The following TPRG1 variants were observed in gnomAD, a reference collection of about 807,000 sequenced individuals.
The protein encoded by TPRG1 is tumor protein p63-regulated gene 1 protein.
Under a neutral mutation model 29.3 loss-of-function variants are expected in TPRG1, and 29 were observed. The ratio of observed to expected loss-of-function variants is 0.99; its 90% CI spans 0.74 to 1.35. TPRG1 has a LOEUF of 1.35. TPRG1 is among the 40% of genes most tolerant of loss of function. The pLI, the probability that TPRG1 is intolerant of heterozygous loss-of-function variation, is 0.00. For synonymous variants in TPRG1, 130 were observed against 116.8 expected (o/e 1.11, Z -0.73); for missense variants, 327 against 335.0 (o/e 0.98, Z 0.19).
chr3:189,167,413 C>T (rs1232707469), upstream of TPRG1, among the ~76,000 whole-genome samples: 2 of 152,200 alleles, frequency 1.3e-5, no homozygotes, highest in Non-Finnish European at 2.9e-5. Context: ...TTCTCCCTGC[C>T]ATGAATGGCT....
At chr3:189,114,230 T>A (rs1037654862) in intron 1 of TPRG1, among the ~76,000 whole-genome samples, 2 of 152,032 alleles carry the variant, frequency 1.3e-5, no homozygotes, top group Non-Finnish European at 2.9e-5. Context: ...GAAACCAACA[T>A]GTTGGACACA....
At chr3:189,057,832 A>G (rs1226680078) in intron 4 of TPRG1, among the ~76,000 whole-genome samples, 2 of 124,582 alleles carry the variant, frequency 1.6e-5, no homozygotes, top group African/African-American at 4.0e-5. Context: ...ATATATACAC[A>G]CATATGTATG....
intron 3 of TPRG1, among the ~76,000 whole-genome samples, chr3:189,225,121 T>C (rs1480969631): frequency 6.6e-6 from 1 of 151,906 alleles, no homozygotes; most frequent in East Asian, 1.9e-4. Context: ...TTAGTAGAGA[T>C]GGGGTTTCAC....
chr3:189,284,772 T>G (rs1717766353), intron 4 of TPRG1, among the ~76,000 whole-genome samples: 1 of 152,196 alleles, frequency 6.6e-6, no homozygotes, highest in South Asian at 2.1e-4. Context: ...TCCTTACACC[T>G]TATACAAAAA....
At chr3:189,096,192 C>T (rs1343082391), upstream of TPRG1, among the ~76,000 whole-genome samples, 2 of 152,256 alleles carry the variant, frequency 1.3e-5, no homozygotes, top group Non-Finnish European at 2.9e-5. Flanking sequence ...TTGCTCTCCA[C>T]TCAGTATACC....
chr3:189,010,093 C>T (rs1252839460), intron 3 of TPRG1, among the ~76,000 whole-genome samples: 1 of 152,098 alleles, frequency 6.6e-6, no homozygotes, highest in African/African-American at 2.4e-5. Flanking sequence ...TGGCCTTCAG[C>T]TCCATCCATG....
chr3:189,082,577 C>G (rs1717664215), intron 4 of TPRG1, among the ~76,000 whole-genome samples: 1 of 152,242 alleles, frequency 6.6e-6, no homozygotes, highest in African/African-American at 2.4e-5. Flanking sequence ...ATGCCAAGTC[C>G]AAGTCAAGAT....
intron 5 of TPRG1, among the ~76,000 whole-genome samples, chr3:189,161,925 A>T (rs1727543478): frequency 6.6e-6 from 1 of 152,170 alleles, no homozygotes; most frequent in South Asian, 2.1e-4. Context: ...TTTAGACCAG[A>T]ATCTTTGAGG....
chr3:189,192,430 A>C (rs1731838012), intron 1 of TPRG1, among the ~76,000 whole-genome samples: 1 of 152,212 alleles, frequency 6.6e-6, no homozygotes, highest in African/African-American at 2.4e-5. Flanking sequence ...CCCTAACATC[A>C]AGGAGCTCAT....
chr3:189,058,823 G>C (rs1715902418), intron 4 of TPRG1, among the ~76,000 whole-genome samples: 1 of 152,144 alleles, frequency 6.6e-6, no homozygotes, highest in Admixed American at 6.5e-5. Context: ...TGCTTTTGCT[G>C]CTCAGGCTGA....
intron 5 of TPRG1, among the ~76,000 whole-genome samples, chr3:189,154,510 C>T (rs1026286737): frequency 2.4e-4 from 36 of 151,190 alleles, no homozygotes; most frequent in African/African-American, 7.8e-4. Context: ...GGTGCGATCT[C>T]GGCTCACTGC....
intron 1 of TPRG1, among the ~76,000 whole-genome samples, chr3:189,201,301 C>T (rs558554579): frequency 1.3e-5 from 2 of 152,278 alleles, no homozygotes; most frequent in Admixed American, 6.5e-5. Flanking sequence ...CATCAAGTAG[C>T]TATTGATATT....
intron 3 of TPRG1, among the ~76,000 whole-genome samples, chr3:189,226,866 A>G (rs1425694440): frequency 6.6e-6 from 1 of 151,850 alleles, no homozygotes; most frequent in East Asian, 1.9e-4. Flanking sequence ...GAAACAGGGG[A>G]TATCACAGCA....
At chr3:189,156,329 A>G (rs1289574936) in intron 5 of TPRG1, among the ~76,000 whole-genome samples, 1 of 151,648 alleles carries the variant, frequency 6.6e-6, no homozygotes, top group African/African-American at 2.4e-5. Context: ...ACAGCCCTAC[A>G]GATGCCTGAC....
intron 4 of TPRG1, among the ~76,000 whole-genome samples, chr3:189,062,180 G>T (rs1177231844): frequency 6.6e-6 from 1 of 152,152 alleles, no homozygotes; most frequent in Non-Finnish European, 1.5e-5. Flanking sequence ...GCAAACTAAT[G>T]CAGGAAGAGA....
chr3:189,049,496 G>A (rs1715178934), intron 4 of TPRG1, among the ~76,000 whole-genome samples: 1 of 152,134 alleles, frequency 6.6e-6, no homozygotes, highest in Non-Finnish European at 1.5e-5. Flanking sequence ...CAGCAAGACT[G>A]GTCCGAGGAG....
At chr3:189,235,410 G>A (rs1344924215) in intron 3 of TPRG1, among the ~76,000 whole-genome samples, 1 of 151,866 alleles carries the variant, frequency 6.6e-6, no homozygotes, top group African/African-American at 2.4e-5. Context: ...GATGGAGAGA[G>A]GTGGGTGGTG....
At chr3:189,047,916 A>G (rs1278504806) in intron 4 of TPRG1, among the ~76,000 whole-genome samples, 1 of 152,152 alleles carries the variant, frequency 6.6e-6, no homozygotes, top group Non-Finnish European at 1.5e-5. Context: ...TTCTCCAGTC[A>G]AGTCTGGAAC....
In TPRG1 at chr3:189,172,107, G is replaced by A. The variant is rs1047412693; in HGVS notation, c.-34G>A. The A allele has an allele frequency of 5.3e-5, 8 of 152,212 alleles. No individual in the cohort carries two copies. Among genetic ancestry groups the A allele is most frequent in the African/African-American group, 1.9e-4 (8 of 41,432 alleles). The allele number at this position is 152,212 out of a possible 1,614,324, so 9.4% of individuals were successfully genotyped here. Reference sequence around the variant, plus strand: ...CCCCTTTGTGCAGAAAGAGAAAGAAGAGCCTTGAGGACCAGCCTAGTCAGG... The same window carrying A: ...CCCCTTTGTGCAGAAAGAGAAAGAAAAGCCTTGAGGACCAGCCTAGTCAGG... On this transcript the variant is annotated 5_prime_UTR_variant, in exon 1 of 6. Transcript: ENST00000345063.
Sources: allele counts gnomAD v4.1 joint callset (sites outside exome capture counted in the v4.1 genomes callset), GRCh38; gene constraint gnomAD v4.1.1; transcripts MANE v1.5; gene names NCBI Gene and HGNC (gene_info 2026-07-23, HGNC 2026-07-21).